The following PIP5K1B variants were observed in gnomAD, a reference collection of about 807,000 sequenced individuals.
The protein encoded by PIP5K1B is phosphatidylinositol-4-phosphate 5-kinase type 1 beta.
Under a neutral mutation model 67.0 loss-of-function variants are expected in PIP5K1B, and 42 were observed. The ratio of observed to expected loss-of-function variants is 0.63; its 90% confidence interval spans 0.49 to 0.81. PIP5K1B has a LOEUF of 0.81. PIP5K1B is among the 30% of genes least tolerant of loss of function. The pLI, the probability that PIP5K1B is intolerant of heterozygous loss-of-function variation, is 0.00. For missense variants in PIP5K1B, 459 were observed against 646.3 expected (o/e 0.71, Z 3.14); for synonymous variants, 214 against 231.4 (o/e 0.92, Z 0.68).
chr9:68,751,084 G>A (rs181341495), intron 2 of PIP5K1B, among the ~76,000 whole-genome samples: 32 of 152,238 alleles, frequency 2.1e-4, no homozygotes, highest in Admixed American at 5.2e-4. Context: ...TTGGCAATGC[G>A]GTCTCAGGGA....
chr9:68,857,530 G>A (rs550660930), intron 4 of PIP5K1B, among the ~76,000 whole-genome samples: 2 of 152,262 alleles, frequency 1.3e-5, no homozygotes, highest in African/African-American at 4.8e-5. Flanking sequence ...ATAGGTTCAC[G>A]GAGAGGAGGG....
chr9:68,934,725 A>G (rs1052574927), intron 12 of PIP5K1B, among the ~76,000 whole-genome samples, 165 bp from the exon 13 acceptor site: 2 of 152,244 alleles, frequency 1.3e-5, no homozygotes, highest in Non-Finnish European at 2.9e-5. Flanking sequence ...TATTCATCAG[A>G]TGAAACAAGT....
chr9:68,927,049 C>T (rs560511221), intron 12 of PIP5K1B, among the ~76,000 whole-genome samples: 1 of 152,274 alleles, frequency 6.6e-6, no homozygotes, highest in Middle Eastern at 3.4e-3. Context: ...TTCTGTTTGG[C>T]TTTTTGCACT....
chr9:68,746,545 A>C (rs1271789538), intron 2 of PIP5K1B, among the ~76,000 whole-genome samples: 1 of 152,026 alleles, frequency 6.6e-6, no homozygotes, highest in Non-Finnish European at 1.5e-5. Flanking sequence ...ACTTAGTTTG[A>C]GGCAAGTGGA....
chr9:68,788,158 C>T (rs1831738637), intron 2 of PIP5K1B: 3 of 261,476 alleles, frequency 1.1e-5, no homozygotes, highest in Admixed American at 1.1e-4. Flanking sequence ...CCTTTCCTCC[C>T]TTGATTAGTT....
intron 4 of PIP5K1B, among the ~76,000 whole-genome samples, chr9:68,852,983 T>C (rs10869419): frequency 0.32 from 47,958 of 152,128 alleles, 7,700 homozygotes; most frequent in South Asian, 0.41. Context: ...AGGAACTCAA[T>C]TGTAGAAAGT....
intron 4 of PIP5K1B, among the ~76,000 whole-genome samples, chr9:68,834,927 T>G (rs1171609286): frequency 1.3e-5 from 2 of 152,222 alleles, no homozygotes; most frequent in African/African-American, 4.8e-5. Context: ...CAATGAATTT[T>G]AAAAGGCAGT....
At chr9:68,717,829 C>T (rs901713016) in intron 1 of PIP5K1B, among the ~76,000 whole-genome samples, 2 of 152,138 alleles carry the variant, frequency 1.3e-5, no homozygotes, top group Admixed American at 6.5e-5. Flanking sequence ...ATAAATAATA[C>T]ATATAACAGA....
chr9:68,838,010 T>C (rs1821715868), intron 4 of PIP5K1B, among the ~76,000 whole-genome samples: 1 of 152,032 alleles, frequency 6.6e-6, no homozygotes, highest in South Asian at 2.1e-4. Context: ...TTTATACCTA[T>C]TTTTAGTTGA....
chr9:68,872,428 T>A (rs1823670514), intron 5 of PIP5K1B, among the ~76,000 whole-genome samples: 1 of 152,258 alleles, frequency 6.6e-6, no homozygotes, highest in Non-Finnish European at 1.5e-5. Flanking sequence ...AGCTTAAATA[T>A]GCAGAGGTAA....
At chr9:68,852,755 C>T (rs142123794) in intron 4 of PIP5K1B, among the ~76,000 whole-genome samples, 14 of 152,278 alleles carry the variant, frequency 9.2e-5, no homozygotes, top group African/African-American at 2.6e-4. Flanking sequence ...GGGGATTTTA[C>T]GATCCTAGGG....
At chr9:68,708,040 C>G (rs371497564) in intron 1 of PIP5K1B, 8 of 152,184 alleles carry the variant, frequency 5.3e-5, no homozygotes, top group African/African-American at 1.7e-4. Context: ...TAGCTAATTA[C>G]TCTTTCACCT....
intron 4 of PIP5K1B, among the ~76,000 whole-genome samples, chr9:68,831,896 C>T (rs1245017656): frequency 2.6e-5 from 4 of 152,086 alleles, no homozygotes; most frequent in Admixed American, 6.5e-5. Context: ...AGCCTGGTCT[C>T]GAACTCCTGA....
intron 14 of PIP5K1B, among the ~76,000 whole-genome samples, chr9:68,982,509 C>T (rs1444568094): frequency 6.6e-6 from 1 of 152,156 alleles, no homozygotes; most frequent in African/African-American, 2.4e-5. Flanking sequence ...GTAATCCCAG[C>T]ACTCTGGGAG....
chr9:68,935,165 T>G, intron 13 of PIP5K1B, 120 bp downstream of exon 13: 1 of 864,568 alleles, frequency 1.2e-6, no homozygotes, highest in Non-Finnish European at 1.8e-6. Flanking sequence ...TTAATTAAGT[T>G]TTTAAAGGAT....
At chr9:68,737,813 A>G (rs542472910) in intron 1 of PIP5K1B, among the ~76,000 whole-genome samples, 9 of 152,360 alleles carry the variant, frequency 5.9e-5, no homozygotes, top group African/African-American at 2.2e-4. Context: ...AAGAGATTGC[A>G]TTGATCCTTA....
Position 68,981,022 on chromosome 9 carries a change from A to T in PIP5K1B, c.1503-10118A>T, listed in dbSNP as rs188551244. On this transcript the variant is annotated intron_variant, in intron 14 of 15. Coordinates refer to ENST00000265382, the MANE Select transcript of PIP5K1B (RefSeq NM_003558.4). Reference sequence around the variant, plus strand: ...ATATAGTCACAATACTATAAACTCTATGTGTCAATTTTCTAATTTTAGAGC... The same window carrying T: ...ATATAGTCACAATACTATAAACTCTTTGTGTCAATTTTCTAATTTTAGAGC... Among the ~76,000 whole-genome samples, 230 of 152,294 alleles carry T rather than the reference A, an allele frequency of 1.5e-3. 2 individuals are homozygous for T. The highest frequency in any genetic ancestry group is 5.2e-3 in the African/African-American group (215 of 41,558).
chr9:68,903,840 C>T (rs1825482328), intron 8 of PIP5K1B, among the ~76,000 whole-genome samples: 1 of 152,124 alleles, frequency 6.6e-6, no homozygotes, highest in South Asian at 2.1e-4. Flanking sequence ...ACCAAAGTAA[C>T]TTAACATGTA....
At chr9:68,726,802 G>A (rs754382689) in intron 1 of PIP5K1B, among the ~76,000 whole-genome samples, 3 of 152,116 alleles carry the variant, frequency 2.0e-5, no homozygotes, top group Non-Finnish European at 4.4e-5. Context: ...TGAACACATG[G>A]TATGATCGTT....
Sources: allele counts gnomAD v4.1 joint callset (sites outside exome capture counted in the v4.1 genomes callset), GRCh38; gene constraint gnomAD v4.1.1; transcripts MANE v1.5; gene names NCBI Gene and HGNC (gene_info 2026-07-23, HGNC 2026-07-21).